The following MAN1C1 variants were observed in gnomAD, a reference collection of about 807,000 sequenced individuals.
MAN1C1 encodes the protein mannosyl-oligosaccharide 1,2-alpha-mannosidase IC.
In MAN1C1, 49 loss-of-function variants were observed where a neutral mutation model predicts 71.5. That is an observed-to-expected ratio of 0.69 (90% CI 0.54 to 0.87). The LOEUF is 0.87. Ranked by LOEUF, MAN1C1 falls within the 40% of genes least tolerant of loss-of-function variation. MAN1C1 has a pLI of 0.00. For missense variants in MAN1C1, 743 were observed against 835.0 expected, an observed-to-expected ratio of 0.89 and a Z score of 1.36; for synonymous variants, 352 against 343.7, an observed-to-expected ratio of 1.02 and a Z score of -0.27.
intron 1 of MAN1C1, among the ~76,000 whole-genome samples, chr1:25,671,088 A>G (rs896707624): frequency 6.6e-6 from 1 of 152,132 alleles, no homozygotes; most frequent in Non-Finnish European, 1.5e-5. Flanking sequence ...CATGTTGCCC[A>G]TGCTGGTCTC....
In MAN1C1 at chr1:25,735,727, C is replaced by T. The variant is rs116411494; in HGVS notation, c.638-10941C>T. On this transcript the variant is annotated intron_variant, in intron 2 of 11. Transcript: ENST00000374332. The surrounding 1 kb of genome is among the most constrained non-coding windows in gnomAD (Gnocchi z 4.6). ...TCTAGCTAGATCCAAGTCTGCTCTG[C>T]ACATATCTCATCCTTCCTGGACCAG... Among the ~76,000 whole-genome samples the T allele has an allele frequency of 0.016, 2,432 of 152,266 alleles. 20 individuals carry two copies. The highest frequency in any genetic ancestry group is 0.027 in the Middle Eastern group (8 of 294).
Position 25,769,363 on chromosome 1 carries a change from ACACT to A in MAN1C1, c.1142-2290_1142-2287del, listed in dbSNP as rs1434848188. ...ACACACATTCATTCACCACACATACACACTCACCCCACACCCCATACATACATAC... is the reference window on the plus strand; with the variant it reads ...ACACACATTCATTCACCACACATACACACCCCACACCCCATACATACATAC... On this transcript the variant is annotated intron_variant, in intron 7 of 11. Coordinates refer to ENST00000374332, the MANE Select transcript of MAN1C1 (RefSeq NM_020379.4). This position sits in a 1 kb window ranked among gnomAD's most constrained non-coding sequence, Gnocchi z 4.8. 6.7e-6 allele frequency among the ~76,000 whole-genome samples: 1 copy of A among 149,760 alleles called. No individual in the cohort carries two copies. The highest frequency in any genetic ancestry group is 2.5e-5 in the African/African-American group (1 of 39,980).
chr1:25,658,507 G>A (rs2124092622), intron 1 of MAN1C1, among the ~76,000 whole-genome samples: 1 of 152,178 alleles, frequency 6.6e-6, no homozygotes, highest in East Asian at 1.9e-4. Flanking sequence ...CTAGAATACA[G>A]TGGCACCATC....
chr1:25,760,665 C>G (rs2047348111), intron 6 of MAN1C1: 1 of 152,214 alleles, frequency 6.6e-6, no homozygotes, highest in Non-Finnish European at 1.5e-5. Flanking sequence ...CGTGGCAAAG[C>G]CAAGTGCTGT....
intron 6 of MAN1C1, chr1:25,761,368 AC>A (rs1014484885): frequency 1.3e-5 from 2 of 152,094 alleles, no homozygotes; most frequent in Non-Finnish European, 1.5e-5. Flanking sequence ...CCAATATTGG[AC>A]CTTTTTTTGA....
At chr1:25,748,041 G>A (rs2047161306) in intron 3 of MAN1C1, among the ~76,000 whole-genome samples, 1 of 152,166 alleles carries the variant, frequency 6.6e-6, no homozygotes. Context: ...TTGGAGAAAG[G>A]TGGAGGAAGG....
intron 1 of MAN1C1, among the ~76,000 whole-genome samples, chr1:25,679,900 G>A (rs1378385687): frequency 2.2e-5 from 3 of 138,230 alleles, no homozygotes; most frequent in Admixed American, 1.5e-4. Flanking sequence ...GCCTACCTCT[G>A]GGTAGAGGCC....
intron 2 of MAN1C1, among the ~76,000 whole-genome samples, chr1:25,688,037 G>T (rs149875894): frequency 2.3e-4 from 35 of 152,186 alleles, no homozygotes; most frequent in Non-Finnish European, 3.8e-4. Flanking sequence ...GTCTGTGATT[G>T]TATGGATATG....
At chr1:25,780,209 C>T (rs11247672) in intron 9 of MAN1C1, among the ~76,000 whole-genome samples, 1,803 of 152,296 alleles carry the variant, frequency 0.012, 37 homozygotes, top group African/African-American at 0.04. Context: ...GCACCCAGCA[C>T]GGCCTTTGAA....
At chr1:25,623,108 C>T (rs1029809675) in intron 1 of MAN1C1, among the ~76,000 whole-genome samples, 1 of 152,156 alleles carries the variant, frequency 6.6e-6, no homozygotes, top group Non-Finnish European at 1.5e-5. Flanking sequence ...CCTGCTCTAC[C>T]ATGCATTTAA....
chr1:25,751,728 T>A (rs753973066), intron 4 of MAN1C1, among the ~76,000 whole-genome samples: 67 of 152,222 alleles, frequency 4.4e-4, no homozygotes, highest in Non-Finnish European at 8.2e-4. Context: ...AGGTGCATGT[T>A]ATCACCGATT....
rs2047727641 is a variant in MAN1C1 at position 25,783,649 on chromosome 1, T to G, written c.1767-14T>G. The G allele has an allele frequency of 6.2e-7, 1 of 1,610,394 alleles. No individual in the cohort carries two copies. The highest frequency in any genetic ancestry group is 8.5e-7 in the Non-Finnish European group (1 of 1,179,582). On this transcript the variant is annotated splice_polypyrimidine_tract_variant and intron_variant, in intron 11 of 11. Coordinates refer to ENST00000374332, the MANE Select transcript of MAN1C1 (RefSeq NM_020379.4). ...CAGACTGTGTCTTGCTTCCCTGCCC[T>G]GCGTGGGGCACAGGTATCTCTATCT...
intron 2 of MAN1C1, among the ~76,000 whole-genome samples, chr1:25,714,215 C>T (rs2046650152): frequency 6.6e-6 from 1 of 152,142 alleles, no homozygotes; most frequent in Non-Finnish European, 1.5e-5. Context: ...GCAAGCAATC[C>T]ATTCCCAGGG....
chr1:25,631,320 G>T lies in MAN1C1; in HGVS notation c.540+12983G>T, dbSNP rs1572106120. ...AAGTCGGCATCCTTGTCTTGTTCCA[G>T]TTCTTAGAAGGGAATGCCTTAAACT... is the stretch of plus-strand genomic sequence containing the variant. On this transcript the variant is annotated intron_variant, in intron 1 of 11. Transcript: ENST00000374332. The surrounding 1 kb of genome is among the most constrained non-coding windows in gnomAD (Gnocchi z 4.2). Among the ~76,000 whole-genome samples the T allele has an allele frequency of 6.6e-6, 1 of 152,142 alleles. No homozygotes were observed.
chr1:25,648,990 A>G (rs569655732), intron 1 of MAN1C1, among the ~76,000 whole-genome samples: 1 of 152,230 alleles, frequency 6.6e-6, no homozygotes, highest in Non-Finnish European at 1.5e-5. Flanking sequence ...CCTGTCTTCT[A>G]CTTCCTGTCA....
intron 2 of MAN1C1, among the ~76,000 whole-genome samples, chr1:25,732,226 C>G (rs1366798741): frequency 6.6e-6 from 1 of 152,122 alleles, no homozygotes; most frequent in Non-Finnish European, 1.5e-5. Flanking sequence ...CAGGCTAAGC[C>G]ACAGGCCTTC....
At chr1:25,641,996 G>T (rs963457751) in intron 1 of MAN1C1, among the ~76,000 whole-genome samples, 1 of 152,208 alleles carries the variant, frequency 6.6e-6, no homozygotes, top group African/African-American at 2.4e-5. Context: ...TGTAATCTTG[G>T]CATGTACTGG....
chr1:25,701,229 C>A (rs1366744313), intron 2 of MAN1C1, among the ~76,000 whole-genome samples: 1 of 152,220 alleles, frequency 6.6e-6, no homozygotes, highest in Non-Finnish European at 1.5e-5. Context: ...TGAAAGCCTG[C>A]ACCTGCTCAG....
chr1:25,620,566 G>C (rs138480945), intron 1 of MAN1C1, among the ~76,000 whole-genome samples: 11 of 152,254 alleles, frequency 7.2e-5, no homozygotes, highest in African/African-American at 2.4e-4. Context: ...TTCTATCTGC[G>C]TCATGCCCAG....
Sources: allele counts gnomAD v4.1 joint callset (sites outside exome capture counted in the v4.1 genomes callset), GRCh38; gene constraint gnomAD v4.1.1; non-coding constraint Gnocchi (gnomAD v3.1); transcripts MANE v1.5; gene names NCBI Gene and HGNC (gene_info 2026-07-23, HGNC 2026-07-21).